The following NRF1 variants were observed in gnomAD, a reference collection of about 807,000 sequenced individuals.
NRF1 encodes the protein alpha palindromic-binding protein.
Under a neutral mutation model 58.5 loss-of-function variants are expected in NRF1, and 5 were observed. That is an observed-to-expected ratio of 0.09 (90% CI 0.04 to 0.18). The LOEUF (loss-of-function observed/expected upper bound fraction) is 0.18. Ranked by LOEUF, NRF1 falls within the 10% of genes least tolerant of loss-of-function variation. The pLI is 1.00. For synonymous variants in NRF1, 224 were observed against 246.7 expected, an observed-to-expected ratio of 0.91 and a Z score of 0.86; for missense variants, 288 against 657.7, an observed-to-expected ratio of 0.44 and a Z score of 6.15.
chr7:129,645,344 T>C (rs1001448008), intron 1 of NRF1, among the ~76,000 whole-genome samples: 3 of 152,184 alleles, frequency 2.0e-5, no homozygotes, highest in Non-Finnish European at 4.4e-5. Flanking sequence ...GTTCCAGAGT[T>C]TGTACCACCC....
At chr7:129,639,790 C>T (rs899381279) in intron 1 of NRF1, among the ~76,000 whole-genome samples, 5 of 152,164 alleles carry the variant, frequency 3.3e-5, no homozygotes, top group African/African-American at 4.8e-5. Context: ...TCAGGTGATC[C>T]GCCTGCCTCA....
intron 5 of NRF1, among the ~76,000 whole-genome samples, chr7:129,694,572 T>C (rs1172909778): frequency 6.6e-6 from 1 of 152,170 alleles, no homozygotes. Flanking sequence ...TTCACCACGT[T>C]GACCAGACTG....
At chr7:129,688,614 C>T (rs1329871302) in intron 4 of NRF1, among the ~76,000 whole-genome samples, 1 of 151,970 alleles carries the variant, frequency 6.6e-6, no homozygotes, top group Non-Finnish European at 1.5e-5. Flanking sequence ...TTCCACATGG[C>T]TAGGGAGGCT....
At position 129,671,412 on chromosome 7, in the gene NRF1, A is replaced by C. The variant is rs760148121; in HGVS notation, c.224-17A>C. On this transcript the variant is annotated splice_polypyrimidine_tract_variant and intron_variant, in intron 2 of 10. Transcript: ENST00000393232. ...ACAGGCAGCTGCCTAATCTCAGCAC[A>C]TACGTTATTATTTCAGGTCCTGTGG... is the stretch of plus-strand genomic sequence containing the variant. The C allele has an allele frequency of 1.5e-5, 24 of 1,558,392 alleles. No individual in the cohort carries two copies. The highest frequency in any genetic ancestry group is 1.0e-4 in the Admixed American group (6 of 59,876).
intron 5 of NRF1, among the ~76,000 whole-genome samples, chr7:129,702,888 C>T (rs938109278): frequency 3.3e-5 from 5 of 152,130 alleles, no homozygotes; most frequent in Admixed American, 2.0e-4. Flanking sequence ...TCAGGAGCCT[C>T]AAAATCCCTA....
intron 9 of NRF1, among the ~76,000 whole-genome samples, chr7:129,726,183 A>G (rs1008441620): frequency 2.5e-4 from 38 of 152,212 alleles, no homozygotes; most frequent in Non-Finnish European, 1.5e-5. Context: ...TTCTGTGCCT[A>G]CTGGAATTCG....
At chr7:129,628,347 T>C (rs886168111) in intron 1 of NRF1, among the ~76,000 whole-genome samples, 10 of 152,002 alleles carry the variant, frequency 6.6e-5, no homozygotes, top group African/African-American at 2.4e-4. Flanking sequence ...TAAAAATTAT[T>C]GAGGACTCCA....
intron 10 of NRF1, among the ~76,000 whole-genome samples, chr7:129,747,030 TGTC>T (rs1212409478): frequency 6.6e-6 from 1 of 152,132 alleles, no homozygotes; most frequent in African/African-American, 2.4e-5. Context: ...TGCTCTATCT[TGTC>T]GTGGGGTGAG....
At chr7:129,674,477 C>T (rs1802130295) in intron 3 of NRF1, among the ~76,000 whole-genome samples, 1 of 151,966 alleles carries the variant, frequency 6.6e-6, no homozygotes, top group Admixed American at 6.6e-5. Flanking sequence ...CTCTGCTGTC[C>T]AAGCTAGAGT....
At chr7:129,718,161 G>C (rs971055727) in intron 9 of NRF1, among the ~76,000 whole-genome samples, 8 of 152,146 alleles carry the variant, frequency 5.3e-5, no homozygotes, top group Non-Finnish European at 1.2e-4. Context: ...GGAAAGATCA[G>C]CTTCATATCA....
At chr7:129,683,308 T>TGAGAGAGAGAGAGAGAGAGAGAGAGA (rs1249992360) in intron 4 of NRF1, among the ~76,000 whole-genome samples, 2 of 143,006 alleles carry the variant, frequency 1.4e-5, no homozygotes, top group African/African-American at 5.3e-5. Flanking sequence ...TGTGTGTGTG[T>TGAGAGAGAGAGAGAGAGAGAGAGAGA]GTGTGTGTGT....
intron 4 of NRF1, among the ~76,000 whole-genome samples, chr7:129,687,032 A>G (rs1397219574): frequency 6.6e-6 from 1 of 152,222 alleles, no homozygotes; most frequent in Non-Finnish European, 1.5e-5. Context: ...TTAATCATAT[A>G]TCATTTTTGT....
chr7:129,630,923 C>T (rs1801035209), intron 1 of NRF1, among the ~76,000 whole-genome samples: 1 of 152,128 alleles, frequency 6.6e-6, no homozygotes, highest in African/African-American at 2.4e-5. Context: ...ATTTTGTAGG[C>T]ATTTCGAAGT....
intron 5 of NRF1, among the ~76,000 whole-genome samples, chr7:129,707,149 G>A (rs570183132): frequency 6.6e-6 from 1 of 151,936 alleles, no homozygotes; most frequent in Admixed American, 6.6e-5. Context: ...ACGTGCCACT[G>A]TAACCGACTG....
rs1338555582 is a variant in NRF1 at position 129,699,922 on chromosome 7, G to A, written c.607-9153G>A. On this transcript the variant is annotated intron_variant, in intron 5 of 10. Transcript: ENST00000393232. The stretch of plus-strand genomic sequence containing the variant: ...TGGGAGGCCAAGGCGGGCAGATCAC[G>A]AGGTCAGGAGTTTGAGACCAGCCTG... Among the ~76,000 whole-genome samples, 4 of 150,294 alleles carry A rather than the reference G, an allele frequency of 2.7e-5. No homozygotes were observed. The East Asian group carries it at 5.9e-4, about 22-fold the overall frequency.
At chr7:129,717,443 C>G (rs1281513653) in intron 9 of NRF1, 67 bp downstream of exon 9, 1 of 1,492,402 alleles carries the variant, frequency 6.7e-7, no homozygotes, top group African/African-American at 1.4e-5. Context: ...GGTGGAGGCC[C>G]CTTAAAGAGA....
At chr7:129,638,072 GT>G (rs1425256557) in intron 1 of NRF1, among the ~76,000 whole-genome samples, 1 of 150,150 alleles carries the variant, frequency 6.7e-6, no homozygotes, top group African/African-American at 2.4e-5. Flanking sequence ...GTAGACTCTA[GT>G]TTTTTTTGTA....
At chr7:129,613,345 A>G (rs1800584372) in intron 1 of NRF1, among the ~76,000 whole-genome samples, 1 of 152,106 alleles carries the variant, frequency 6.6e-6, no homozygotes, top group Admixed American at 6.5e-5. Context: ...CTAAAATTGT[A>G]TTTGACAGTT....
chr7:129,744,300 G>T, intron 10 of NRF1: 2 of 1,322,448 alleles, frequency 1.5e-6, no homozygotes, highest in Non-Finnish European at 2.1e-6. Flanking sequence ...CATTCCAGGC[G>T]CTGCTTCCTG....
Sources: gnomAD v4.1 joint callset for allele counts (sites outside exome capture counted in the v4.1 genomes callset) on GRCh38, gnomAD v4.1.1 for gene constraint, MANE v1.5 for transcripts, NCBI Gene and HGNC (gene_info 2026-07-23, HGNC 2026-07-21) for gene names.